Variants in DEAF1 observed in about 807,000 individuals in gnomAD.
DEAF1 encodes the protein deformed epidermal autoregulatory factor 1 homolog.
DEAF1 carries 53 observed loss-of-function variants against 58.9 expected under a neutral mutation model. That is an observed-to-expected ratio of 0.90 (90% CI 0.72 to 1.13). DEAF1 has a LOEUF of 1.13. DEAF1 is among the 50% of genes most tolerant of loss of function. DEAF1 has a pLI of 0.00. For missense variants in DEAF1, 685 were observed against 791.4 expected, an observed-to-expected ratio of 0.87 and a Z score of 1.61; for synonymous variants, 385 against 340.4, an observed-to-expected ratio of 1.13 and a Z score of -1.44.
At chr11:686,628 T>C (rs1860603708) in intron 5 of DEAF1, among the ~76,000 whole-genome samples, 1 of 152,160 alleles carries the variant, frequency 6.6e-6, no homozygotes, top group African/African-American at 2.4e-5. Context: ...CTCATGCACT[T>C]CTCCCAACAA....
intron 2 of DEAF1, among the ~76,000 whole-genome samples, chr11:690,037 A>G (rs540938121): frequency 6.6e-6 from 1 of 151,302 alleles, no homozygotes; most frequent in African/African-American, 2.4e-5. Flanking sequence ...AAATAAGCCA[A>G]GTTTCTGGGC....
chr11:653,556 T>C (rs1373431293), intron 11 of DEAF1, among the ~76,000 whole-genome samples: 152 of 103,442 alleles, frequency 1.5e-3, no homozygotes, highest in African/African-American at 2.0e-3. Context: ...CAGTCTCTCT[T>C]GCGTGGCTCT....
intron 10 of DEAF1, among the ~76,000 whole-genome samples, chr11:665,558 G>C (rs970611768): frequency 6.6e-6 from 1 of 152,182 alleles, no homozygotes; most frequent in South Asian, 2.1e-4. Flanking sequence ...TCTACCAAAC[G>C]GGATTTTAAG....
At chr11:666,924 A>G (rs1011266114) in intron 10 of DEAF1, among the ~76,000 whole-genome samples, 11 of 150,720 alleles carry the variant, frequency 7.3e-5, no homozygotes, top group African/African-American at 2.4e-4. Context: ...TATAGCCAGG[A>G]GCAGTGGTTC....
chr11:660,864 C>A (rs573658137), intron 10 of DEAF1, among the ~76,000 whole-genome samples: 1 of 150,202 alleles, frequency 6.7e-6, no homozygotes, highest in Non-Finnish European at 1.5e-5. Context: ...CCCCTCTCGG[C>A]GCTGCTTGAG....
chr11:688,373 C>T lies in DEAF1; in HGVS notation c.475G>A (p.Glu159Lys). The T allele has an allele frequency of 6.2e-7, 1 of 1,613,886 alleles. No homozygotes were observed. The stretch of plus-strand genomic sequence containing the variant: ...GCCGGGCCTTTCAGCCCGGTGGTCT[C>T]CACGATGCTCCCATCTGTGTGGACG... ...IVVHTDGSIV[E>K]TTGLKGPAAP... Residue 159 changes from glutamate (E) to lysine (K), a missense_variant, in exon 3 of 12, where the codon GAG becomes AAG. Glu to Lys is a moderately conservative substitution (Grantham distance 56). This residue lies in a region of DEAF1 where 132 missense variants were observed against 234.3 expected (regional missense o/e 0.56). Coordinates refer to ENST00000382409, the MANE Select transcript of DEAF1 (RefSeq NM_021008.4). This position sits in a 1 kb window ranked among gnomAD's most constrained non-coding sequence, Gnocchi z 4.3.
chr11:656,865 CTTTT>C lies in DEAF1; in HGVS notation c.1504-2818_1504-2815del, dbSNP rs576045088. On this transcript the variant is annotated intron_variant, in intron 10 of 11. Transcript: ENST00000382409. ...CTTTCGCGGTATGCCCTTTGCAAAA[CTTTT>C]TTTTTTTTTTAAACTGAAAAATAAC... is the stretch of plus-strand genomic sequence containing the variant. Among the ~76,000 whole-genome samples, 73 of 147,186 alleles carry C rather than the reference CTTTT, an allele frequency of 5.0e-4. No individual in the cohort carries two copies. In the East Asian group the frequency reaches 0.014, roughly 28 times the overall value.
intron 10 of DEAF1, chr11:673,872 A>G (rs559775506): frequency 6.4e-6 from 1 of 155,888 alleles, no homozygotes; most frequent in South Asian, 2.0e-4. Flanking sequence ...TACCCTATTC[A>G]TGTCACCCAC....
At chr11:679,038 C>A (rs1022248796) in intron 8 of DEAF1, among the ~76,000 whole-genome samples, 1 of 152,184 alleles carries the variant, frequency 6.6e-6, no homozygotes, top group African/African-American at 2.4e-5. Flanking sequence ...TCAGGCCGGG[C>A]GCGGTGGCTC....
intron 11 of DEAF1, among the ~76,000 whole-genome samples, chr11:650,025 AAACAAAAAC>A (rs1858690551): frequency 2.6e-5 from 1 of 39,168 alleles, no homozygotes; most frequent in Admixed American, 3.4e-4. Flanking sequence ...ATTGTCTAAA[AAACAAAAAC>A]AAAAACAAAA....
At chr11:700,013 T>A, upstream of DEAF1, 1 of 695,778 alleles carries the variant, frequency 1.4e-6, no homozygotes, top group Middle Eastern at 2.9e-4. Flanking sequence ...AGTGAGCCAT[T>A]GCCAAGACTC....
At chr11:671,461 A>G (rs561462706) in intron 10 of DEAF1, among the ~76,000 whole-genome samples, 5 of 151,762 alleles carry the variant, frequency 3.3e-5, no homozygotes, top group Non-Finnish European at 5.9e-5. Flanking sequence ...GGCTCAAAAG[A>G]TCCTCCCACC....
intron 10 of DEAF1, among the ~76,000 whole-genome samples, chr11:663,684 G>A (rs554961379): frequency 1.3e-5 from 2 of 151,474 alleles, no homozygotes; most frequent in African/African-American, 2.4e-5. Flanking sequence ...ACTCCTCAGC[G>A]ACTGCCTCTG....
intron 11 of DEAF1, among the ~76,000 whole-genome samples, chr11:649,428 AAAAC>A (rs148979674): frequency 0.38 from 56,883 of 149,650 alleles, 11,292 homozygotes; most frequent in East Asian, 0.56. Flanking sequence ...CTTAAAAAAA[AAAAC>A]AAAACAGCTG....
chr11:672,112 C>T (rs1209326839), intron 10 of DEAF1, among the ~76,000 whole-genome samples: 1 of 152,196 alleles, frequency 6.6e-6, no homozygotes, highest in Non-Finnish European at 1.5e-5. Context: ...TCTGGACAAT[C>T]ACCACTACAG....
Position 686,934 on chromosome 11 carries a change from A to G in DEAF1, c.728T>C (p.Met243Thr), listed in dbSNP as rs1379548817. ...NWYSPTEFEA[M>T]AGRASSKDWK... ...GTCCTTACTGCTGGCTCTTCCTGCCATGGCCTCAAACTCGGTGGGACTGTA... is the reference window on the plus strand; with the variant it reads ...GTCCTTACTGCTGGCTCTTCCTGCCGTGGCCTCAAACTCGGTGGGACTGTA... Residue 243 changes from methionine (M) to threonine (T), a missense_variant, in exon 5 of 12, where the codon ATG (methionine) becomes ACG (threonine). Met to Thr is a moderately conservative substitution (Grantham distance 81). This residue lies in a region of DEAF1 where 132 missense variants were observed against 234.3 expected (regional missense o/e 0.56). Transcript: ENST00000382409. 3.7e-6 allele frequency: 6 copies of G among 1,614,192 alleles called. No individual in the cohort carries two copies. Among genetic ancestry groups the G allele is most frequent in the Non-Finnish European group, 5.1e-6 (6 of 1,180,042 alleles).
chr11:667,153 G>A lies in DEAF1; in HGVS notation c.1503+7383C>T, dbSNP rs566194420. ...AGTTTGCGGCCAGCCTGGGCATCATGGTGAAACCCCAGCTAAAAATTGGCC... is the reference window on the plus strand; with the variant it reads ...AGTTTGCGGCCAGCCTGGGCATCATAGTGAAACCCCAGCTAAAAATTGGCC... On this transcript the variant is annotated intron_variant, in intron 10 of 11. Transcript: ENST00000382409. Among the ~76,000 whole-genome samples the A allele has an allele frequency of 1.4e-4, 22 of 152,018 alleles. No homozygotes were observed. The South Asian group carries it at 4.6e-3, about 32-fold the overall frequency.
At position 684,930 on chromosome 11, in the gene DEAF1, T is replaced by C. The variant is rs1207842035; in HGVS notation, c.838A>G (p.Thr280Ala). The C allele has an allele frequency of 6.4e-7, 1 of 1,551,472 alleles. No homozygotes were observed. The highest frequency in any genetic ancestry group is 1.4e-5 in the African/African-American group (1 of 73,018). The change falls in exon 6 of 12, where the codon ACC becomes GCC. Residue 280 changes from threonine (T) to alanine (A), a missense_variant. This residue lies in a region of DEAF1 where 132 missense variants were observed against 234.3 expected (regional missense o/e 0.56). Transcript: ENST00000382409. ...ATGTCGTCGCAGCAGGCAGCACAGG[T>C]GCAAGAGGCAGCGTGAGGGTTTAAG... ...GILNPHAASCTCAACCDDMTL... is the reference protein window; with the variant it reads ...GILNPHAASCACAACCDDMTL...
intron 10 of DEAF1, among the ~76,000 whole-genome samples, chr11:668,087 G>C (rs1859638343): frequency 6.6e-6 from 1 of 152,188 alleles, no homozygotes; most frequent in African/African-American, 2.4e-5. Context: ...ACTCCAGCCT[G>C]GAAAACAAGA....
Sources: gnomAD v4.1 joint callset for allele counts (sites outside exome capture counted in the v4.1 genomes callset) on GRCh38, gnomAD v4.1.1 for gene constraint, gnomAD v4.1.1 regional missense constraint, Gnocchi (gnomAD v3.1) non-coding constraint, MANE v1.5 for transcripts, NCBI Gene and HGNC (gene_info 2026-07-23, HGNC 2026-07-21) for gene names.